Variants in DNAJC3 observed in about 807,000 individuals in gnomAD.
DNAJC3 encodes the protein DnaJ heat shock protein family (Hsp40) member C3.
Under a neutral mutation model 68.6 loss-of-function variants are expected in DNAJC3, and 38 were observed. The observed-to-expected ratio is 0.55, with a 90% CI of 0.43 to 0.73. DNAJC3 has a LOEUF of 0.73. Among genes scored for constraint, DNAJC3 ranks in the 30% least tolerant of loss-of-function variants. The pLI, the probability that DNAJC3 is intolerant of heterozygous loss-of-function variation, is 0.00. For missense variants in DNAJC3, 526 were observed against 591.9 expected, an observed-to-expected ratio of 0.89 and a Z score of 1.16; for synonymous variants, 203 against 204.0, an observed-to-expected ratio of 1.00 and a Z score of 0.04.
rs148630790 is a variant in DNAJC3, at chr13:95,699,821, CTTTTCT to C, written c.83-9395_83-9390del. On this transcript the variant is annotated intron_variant, in intron 1 of 11. Transcript: ENST00000602402. The stretch of plus-strand genomic sequence containing the variant: ...TTTCTCCTCATAAAGTTTCTTTTTT[CTTTTCT>C]TTTTCTTTTTTAAACATTTTTGTTT... 4.7e-3 allele frequency among the ~76,000 whole-genome samples: 708 copies of C among 151,954 alleles called. 5 individuals are homozygous for C. The highest frequency in any genetic ancestry group is 0.016 in the African/African-American group (683 of 41,468).
intron 11 of DNAJC3, among the ~76,000 whole-genome samples, chr13:95,787,559 T>C (rs1883639115): frequency 6.6e-6 from 1 of 152,060 alleles, no homozygotes. Flanking sequence ...CTGGATTACA[T>C]GGAGTGGGAG....
At chr13:95,748,844 C>A (rs951599828) in intron 4 of DNAJC3, among the ~76,000 whole-genome samples, 3 of 152,006 alleles carry the variant, frequency 2.0e-5, no homozygotes, top group Non-Finnish European at 4.4e-5. Flanking sequence ...AACAAAAAAA[C>A]CCAAAGTTTT....
chr13:95,679,192 AT>A (rs67872816), intron 1 of DNAJC3, among the ~76,000 whole-genome samples: 9,600 of 139,130 alleles, frequency 0.069, 437 homozygotes, highest in East Asian at 0.18. Context: ...GAGAAAAAAA[AT>A]CAGCACTTTT....
intron 9 of DNAJC3, among the ~76,000 whole-genome samples, chr13:95,778,810 G>A (rs1401108708): frequency 1.3e-5 from 2 of 152,002 alleles, no homozygotes; most frequent in East Asian, 3.8e-4. Flanking sequence ...GTGAAATTTT[G>A]TTCTGCCAAT....
intron 4 of DNAJC3, among the ~76,000 whole-genome samples, chr13:95,727,929 T>G (rs943183009): frequency 6.6e-6 from 1 of 152,198 alleles, no homozygotes; most frequent in African/African-American, 2.4e-5. Flanking sequence ...AGTCATACTT[T>G]CTGGCATCCA....
chr13:95,695,125 C>T (rs1218953515), intron 1 of DNAJC3: 3 of 152,170 alleles, frequency 2.0e-5, no homozygotes, highest in African/African-American at 7.2e-5. Flanking sequence ...TTTTATCCTA[C>T]CCTTCATCAT....
chr13:95,768,138 A>T (rs990137087), intron 9 of DNAJC3, among the ~76,000 whole-genome samples: 3 of 151,980 alleles, frequency 2.0e-5, no homozygotes, highest in African/African-American at 7.3e-5. Flanking sequence ...TGCCATTTGT[A>T]TATTTTCTTT....
intron 4 of DNAJC3, among the ~76,000 whole-genome samples, chr13:95,754,903 C>T (rs933323937): frequency 1.3e-5 from 2 of 152,012 alleles, no homozygotes; most frequent in African/African-American, 2.4e-5. Flanking sequence ...GTAGCTATTA[C>T]GGGTTATTTT....
chr13:95,690,829 C>G (rs1410613590), intron 1 of DNAJC3, among the ~76,000 whole-genome samples: 1 of 132,468 alleles, frequency 7.5e-6, no homozygotes, highest in African/African-American at 2.8e-5. Context: ...GGCAGCTGGC[C>G]GGGCAGAGGG....
At chr13:95,680,932 T>G (rs1013025667) in intron 1 of DNAJC3, among the ~76,000 whole-genome samples, 2 of 152,216 alleles carry the variant, frequency 1.3e-5, no homozygotes, top group Non-Finnish European at 2.9e-5. Context: ...TTAAAAAAAT[T>G]AAATCTGATG....
intron 4 of DNAJC3, among the ~76,000 whole-genome samples, chr13:95,730,018 TG>T (rs1306132523): frequency 2.6e-5 from 4 of 152,146 alleles, no homozygotes; most frequent in Non-Finnish European, 5.9e-5. Flanking sequence ...ATTTTTGAGT[TG>T]GGGTCTCTGT....
At position 95,791,652 on chromosome 13, in the gene DNAJC3, G is replaced by A. The variant is rs1883780047; in HGVS notation, c.*622G>A. The A allele has an allele frequency of 1.3e-5, 2 of 152,320 alleles. No homozygotes were observed. The highest frequency in any genetic ancestry group is 4.1e-4 in the South Asian group (2 of 4,846). The allele number at this position is 152,320 out of a possible 1,614,324, so 9.4% of individuals were successfully genotyped here. Reference sequence around the variant, plus strand: ...CCAAATAATAATATATCCAGGCTTAGACTTTGGATTAATGTTAAATGTACA... The same window carrying A: ...CCAAATAATAATATATCCAGGCTTAAACTTTGGATTAATGTTAAATGTACA... On this transcript the variant is annotated 3_prime_UTR_variant, in exon 12 of 12. Coordinates refer to ENST00000602402, the MANE Select transcript of DNAJC3 (RefSeq NM_006260.5).
chr13:95,791,311 T>G lies in DNAJC3; in HGVS notation c.*281T>G. On this transcript the variant is annotated 3_prime_UTR_variant, in exon 12 of 12. Transcript: ENST00000602402. ...TCTGAGGCAGGCTCACCCGTGGAAGTGCTCACGTATTCTGTATTATTTTTC... is the reference window on the plus strand; with the variant it reads ...TCTGAGGCAGGCTCACCCGTGGAAGGGCTCACGTATTCTGTATTATTTTTC... 2 of 403,280 alleles carry G rather than the reference T, an allele frequency of 5.0e-6. No homozygotes were observed. The highest frequency in any genetic ancestry group is 4.8e-5 in the South Asian group (2 of 41,634). The allele number at this position is 403,280 out of a possible 1,614,324, so 25.0% of individuals were successfully genotyped here. A position where few individuals can be genotyped will look rare whatever the true frequency, so the allele number is the denominator to read the frequency against.
chr13:95,726,738 T>G (rs1881537695), intron 4 of DNAJC3, among the ~76,000 whole-genome samples: 1 of 152,208 alleles, frequency 6.6e-6, no homozygotes, highest in Admixed American at 6.5e-5. Context: ...TTTACATGGG[T>G]TTGCTTCTGG....
chr13:95,688,255 A>T (rs899516588), intron 1 of DNAJC3, among the ~76,000 whole-genome samples: 1 of 152,030 alleles, frequency 6.6e-6, no homozygotes, highest in African/African-American at 2.4e-5. Context: ...TCCTATTTGG[A>T]TGCCTTTTAT....
At chr13:95,704,352 A>G (rs377208949) in intron 1 of DNAJC3, among the ~76,000 whole-genome samples, 2 of 152,234 alleles carry the variant, frequency 1.3e-5, no homozygotes, top group East Asian at 3.8e-4. Context: ...ATAGCATCAT[A>G]TAATGGTCTG....
chr13:95,682,150 C>T (rs1879930820), intron 1 of DNAJC3, among the ~76,000 whole-genome samples: 1 of 152,176 alleles, frequency 6.6e-6, no homozygotes, highest in Non-Finnish European at 1.5e-5. Context: ...AGATGCTGAA[C>T]TTCCTGTACT....
At chr13:95,731,311 C>T (rs777347605) in intron 4 of DNAJC3, among the ~76,000 whole-genome samples, 2 of 152,098 alleles carry the variant, frequency 1.3e-5, no homozygotes, top group Non-Finnish European at 2.9e-5. Flanking sequence ...GACTGGTCTG[C>T]CTAGGAATCC....
intron 4 of DNAJC3, among the ~76,000 whole-genome samples, chr13:95,751,220 AG>A (rs748884026): frequency 1.3e-5 from 2 of 152,228 alleles, no homozygotes; most frequent in Non-Finnish European, 2.9e-5. Flanking sequence ...AGAGTGACAG[AG>A]GGAGACCCTG....
Sources: allele counts gnomAD v4.1 joint callset (sites outside exome capture counted in the v4.1 genomes callset), GRCh38; gene constraint gnomAD v4.1.1; transcripts MANE v1.5; gene names NCBI Gene and HGNC (gene_info 2026-07-23, HGNC 2026-07-21).